Variants in PALS2 observed in about 807,000 individuals in gnomAD.
The protein encoded by PALS2 is protein PALS2.
Under a neutral mutation model 61.6 loss-of-function variants are expected in PALS2, and 27 were observed. That is an observed-to-expected ratio of 0.44 (90% CI 0.32 to 0.60). PALS2 has a LOEUF of 0.60. Ranked by LOEUF, PALS2 falls within the 20% of genes least tolerant of loss-of-function variation. The pLI is 0.05. For synonymous variants in PALS2, 236 were observed against 218.6 expected (o/e 1.08, Z -0.70); for missense variants, 554 against 639.4 (o/e 0.87, Z 1.44).
rs1387578100 is a variant in PALS2 at position 24,689,863 on chromosome 7, A to C, written c.*2249A>C. The stretch of plus-strand genomic sequence containing the variant: ...ACTCAGGAAATGTGCTGTATTCTCT[A>C]ATGTACTTTCATGCTGCAGCATGGA... On this transcript the variant is annotated 3_prime_UTR_variant, in exon 12 of 12. Transcript: ENST00000222644. 3 of 152,172 alleles carry C rather than the reference A, an allele frequency of 2.0e-5. No individual in the cohort carries two copies. The highest frequency in any genetic ancestry group is 7.2e-5 in the African/African-American group (3 of 41,454). 9.4% of individuals were successfully genotyped at this position (152,172 alleles called of 1,614,324 possible). A position where few individuals can be genotyped will look rare whatever the true frequency, so the allele number is the denominator to read the frequency against.
At chr7:24,639,315 A>G (rs761981117) in intron 2 of PALS2, among the ~76,000 whole-genome samples, 1 of 152,208 alleles carries the variant, frequency 6.6e-6, no homozygotes, top group Non-Finnish European at 1.5e-5. Flanking sequence ...GCCATTCACC[A>G]GTAATGTGAA....
intron 9 of PALS2, among the ~76,000 whole-genome samples, chr7:24,668,974 T>A (rs1295959396): frequency 6.6e-6 from 1 of 152,312 alleles, no homozygotes; most frequent in African/African-American, 2.4e-5. Flanking sequence ...TGTACTGATG[T>A]CTATCTAAAA....
intron 2 of PALS2, among the ~76,000 whole-genome samples, chr7:24,639,459 G>GA (rs1303914467): frequency 8.0e-5 from 12 of 149,710 alleles, no homozygotes; most frequent in Admixed American, 5.3e-4. Context: ...ATCCAACGCA[G>GA]AAAAAAAAGC....
chr7:24,656,422 C>T (rs1307058179), intron 5 of PALS2, among the ~76,000 whole-genome samples: 1 of 152,158 alleles, frequency 6.6e-6, no homozygotes, highest in East Asian at 1.9e-4. Flanking sequence ...ATATAAATAA[C>T]ATAAAGTGTA....
At chr7:24,636,001 C>G (rs187517428) in intron 2 of PALS2, among the ~76,000 whole-genome samples, 2,379 of 152,044 alleles carry the variant, frequency 0.016, 77 homozygotes, top group African/African-American at 0.055. Flanking sequence ...CACCTGAGGT[C>G]AAGAGTTCGA....
chr7:24,616,897 G>C (rs538434914), intron 1 of PALS2, among the ~76,000 whole-genome samples: 1 of 152,222 alleles, frequency 6.6e-6, no homozygotes, highest in Admixed American at 6.5e-5. Context: ...AGAGAGGACT[G>C]TTTGGATTTT....
intron 1 of PALS2, among the ~76,000 whole-genome samples, chr7:24,589,922 T>A (rs896817858): frequency 8.5e-5 from 13 of 152,174 alleles, no homozygotes; most frequent in Non-Finnish European, 1.8e-4. Flanking sequence ...TGCAGGATTG[T>A]CCTGACCTGA....
At chr7:24,640,982 T>C (rs927819211) in intron 2 of PALS2, among the ~76,000 whole-genome samples, 2 of 112,780 alleles carry the variant, frequency 1.8e-5, no homozygotes, top group African/African-American at 7.2e-5. Context: ...CACTCCAGCC[T>C]GGGCAACAGT....
Position 24,689,534 on chromosome 7 carries a change from C to A in PALS2, c.*1920C>A, listed in dbSNP as rs546340246. 7 of 151,368 alleles carry A rather than the reference C, an allele frequency of 4.6e-5. No individual in the cohort carries two copies. The East Asian group carries it at 1.4e-3, about 29-fold the overall frequency. The allele number at this position is 151,368 out of a possible 1,614,324, so 9.4% of individuals were successfully genotyped here. ...AAATCTTTTTCACAATAAAACAAAACACCCAAGTTGTCATATTGTTAAAGT... is the reference window on the plus strand; with the variant it reads ...AAATCTTTTTCACAATAAAACAAAAAACCCAAGTTGTCATATTGTTAAAGT... On this transcript the variant is annotated 3_prime_UTR_variant, in exon 12 of 12. Coordinates refer to ENST00000222644, the MANE Select transcript of PALS2 (RefSeq NM_001303037.2).
At chr7:24,660,823 TCTTCC>T (rs1786679519) in intron 5 of PALS2, among the ~76,000 whole-genome samples, 1 of 152,218 alleles carries the variant, frequency 6.6e-6, no homozygotes, top group African/African-American at 2.4e-5. Flanking sequence ...GTTGAACCAT[TCTTCC>T]ACAAGCCTAT....
intron 1 of PALS2, among the ~76,000 whole-genome samples, chr7:24,595,479 AAATATATATTATATATTTTT>A (rs1783469938): frequency 1.5e-5 from 2 of 134,676 alleles, no homozygotes; most frequent in Admixed American, 1.6e-4. Flanking sequence ...ATAAATATGT[AAATATATATTATATATTTTT>A]AATATATATA....
chr7:24,620,598 G>A (rs1427014550), intron 1 of PALS2, among the ~76,000 whole-genome samples: 1 of 151,546 alleles, frequency 6.6e-6, no homozygotes, highest in Admixed American at 6.6e-5. Context: ...AAAAAAACAA[G>A]CACTTCAAGA....
In PALS2 at chr7:24,680,506, A is replaced by G. The variant is rs1365404504; in HGVS notation, c.1432A>G (p.Thr478Ala). The G allele has an allele frequency of 9.9e-6, 16 of 1,613,672 alleles. No homozygotes were observed. Among genetic ancestry groups the G allele is most frequent in the Non-Finnish European group, 1.4e-5 (16 of 1,179,812 alleles). Residue 478 changes from threonine (T) to alanine (A), a missense_variant, in exon 11 of 12, where the codon ACC becomes GCC. Thr to Ala is a moderately conservative substitution (Grantham distance 58). Coordinates refer to ENST00000222644, the MANE Select transcript of PALS2 (RefSeq NM_001303037.2). Reference protein sequence around the residue: ...HKAVVDAGITTKLLTDSDLKK... With the variant: ...HKAVVDAGITAKLLTDSDLKK... Reference sequence around the variant, plus strand: ...GGCTGTGGTGGATGCAGGAATCACTACCAAGCTTCTGACCGTGAGCTAACC... The same window carrying G: ...GGCTGTGGTGGATGCAGGAATCACTGCCAAGCTTCTGACCGTGAGCTAACC...
chr7:24,665,944 C>T, intron 7 of PALS2, 77 bp from the exon 8 acceptor site: 2 of 1,351,582 alleles, frequency 1.5e-6, no homozygotes, highest in South Asian at 2.6e-5. Context: ...ATTCTCCCAC[C>T]CCTGTAAAAT....
At chr7:24,595,906 T>C (rs1783507050) in intron 1 of PALS2, among the ~76,000 whole-genome samples, 2 of 151,368 alleles carry the variant, frequency 1.3e-5, no homozygotes, top group East Asian at 3.9e-4. Flanking sequence ...ATGGTAAAGA[T>C]GGGAAATGAG....
At position 24,687,492 on chromosome 7, in the gene PALS2, A is replaced by G; in HGVS notation, c.1501A>G (p.Asn501Asp). ...AAGTGCACGGATTCAGAGAGCATAC[A>G]ACCACTATTTTGATTTGATCATCAT... ...DESARIQRAYNHYFDLIIIND... is the reference protein window; with the variant it reads ...DESARIQRAYDHYFDLIIIND... The change falls in exon 12 of 12, where the codon AAC becomes GAC. Residue 501 changes from asparagine to aspartate, a missense_variant. Asn to Asp is a conservative substitution (Grantham distance 23, BLOSUM62 1). Coordinates refer to ENST00000222644, the MANE Select transcript of PALS2 (RefSeq NM_001303037.2). The surrounding 1 kb of genome is among the most constrained non-coding windows in gnomAD (Gnocchi z 4.5). The G allele has an allele frequency of 1.2e-6, 2 of 1,613,122 alleles. No homozygotes were observed. The highest frequency in any genetic ancestry group is 1.7e-6 in the Non-Finnish European group (2 of 1,179,698).
intron 9 of PALS2, among the ~76,000 whole-genome samples, chr7:24,671,136 A>T (rs566334925): frequency 2.0e-5 from 3 of 152,302 alleles, no homozygotes; most frequent in Non-Finnish European, 2.9e-5. Context: ...TATACCCTTC[A>T]CAATCCCAGC....
chr7:24,585,490 TA>T (rs995818856), intron 1 of PALS2, among the ~76,000 whole-genome samples: 27 of 151,050 alleles, frequency 1.8e-4, no homozygotes, highest in East Asian at 1.4e-3. Context: ...TGTTTGAGAT[TA>T]AAAAAAAATG....
intron 1 of PALS2, among the ~76,000 whole-genome samples, chr7:24,601,820 A>G (rs943476227): frequency 1.3e-5 from 2 of 152,092 alleles, no homozygotes; most frequent in African/African-American, 4.8e-5. Flanking sequence ...GTCATCATTG[A>G]GCCATTCAGA....
Sources: allele counts gnomAD v4.1 joint callset (sites outside exome capture counted in the v4.1 genomes callset), GRCh38; gene constraint gnomAD v4.1.1; non-coding constraint Gnocchi (gnomAD v3.1); transcripts MANE v1.5; gene names NCBI Gene and HGNC (gene_info 2026-07-23, HGNC 2026-07-21).